ST6GAL1: variants seen among roughly 807,000 people sequenced by gnomAD.
The protein encoded by ST6GAL1 is ST6 beta-galactoside alpha-2,6-sialyltransferase 1, also known as beta-galactoside alpha-2,6-sialyltransferase 1.
Under a neutral mutation model 38.0 loss-of-function variants are expected in ST6GAL1, and 20 were observed. The ratio of observed to expected loss-of-function variants is 0.53; its 90% CI spans 0.37 to 0.77. The LOEUF (loss-of-function observed/expected upper bound fraction) is 0.77, where lower values mean the gene tolerates loss of function less well. Ranked by LOEUF, ST6GAL1 falls within the 30% of genes least tolerant of loss-of-function variation. ST6GAL1 has a pLI of 0.00. For missense variants in ST6GAL1, 432 were observed against 496.4 expected (o/e 0.87, Z 1.23); for synonymous variants, 196 against 188.2 (o/e 1.04, Z -0.34).
chr3:187,063,444 G>A (rs752875214), intron 5 of ST6GAL1, among the ~76,000 whole-genome samples: 3 of 152,194 alleles, frequency 2.0e-5, no homozygotes, highest in Non-Finnish European at 4.4e-5. Flanking sequence ...AGGTGAGTGG[G>A]ACCGTCAGTA....
chr3:187,030,043 C>T (rs1485515205), intron 2 of ST6GAL1, among the ~76,000 whole-genome samples: 4 of 152,064 alleles, frequency 2.6e-5, no homozygotes, highest in South Asian at 2.1e-4. Context: ...GAGTGAGTGG[C>T]CGTGGTCACA....
chr3:187,013,922 C>T (rs774614489), intron 2 of ST6GAL1, among the ~76,000 whole-genome samples: 1 of 152,190 alleles, frequency 6.6e-6, no homozygotes, highest in African/African-American at 2.4e-5. Context: ...ATCAAGGTCT[C>T]GTGTTTAGCC....
intron 2 of ST6GAL1, among the ~76,000 whole-genome samples, chr3:186,999,420 T>C (rs2108551637): frequency 1.3e-5 from 2 of 151,646 alleles, no homozygotes; most frequent in African/African-American, 4.8e-5. Context: ...TCTCTTTTTT[T>C]TTTTTTTTTG....
At chr3:187,055,390 G>GTGA (rs1718662651) in intron 5 of ST6GAL1, among the ~76,000 whole-genome samples, 1 of 152,064 alleles carries the variant, frequency 6.6e-6, no homozygotes, top group African/African-American at 2.4e-5. Flanking sequence ...TCTTTTAATT[G>GTGA]TGATGTTAGG....
At chr3:186,938,844 C>G (rs1363808773) in intron 1 of ST6GAL1, among the ~76,000 whole-genome samples, 9 of 152,174 alleles carry the variant, frequency 5.9e-5, no homozygotes, top group Admixed American at 5.9e-4. Flanking sequence ...AAGTACATCC[C>G]AGACATCTTA....
At chr3:187,047,329 T>A (rs1718335897) in intron 4 of ST6GAL1, among the ~76,000 whole-genome samples, 1 of 151,964 alleles carries the variant, frequency 6.6e-6, no homozygotes, top group Admixed American at 6.6e-5. Flanking sequence ...TTTCCATAAA[T>A]GGTTGTAGGA....
intron 4 of ST6GAL1, among the ~76,000 whole-genome samples, chr3:187,048,202 C>T (rs956296493): frequency 6.6e-6 from 1 of 152,208 alleles, no homozygotes; most frequent in African/African-American, 2.4e-5. Flanking sequence ...CTTGGCCTCC[C>T]AAAGTGCTGG....
At chr3:186,985,879 A>G (rs1399876687) in intron 2 of ST6GAL1, among the ~76,000 whole-genome samples, 1 of 152,178 alleles carries the variant, frequency 6.6e-6, no homozygotes, top group Non-Finnish European at 1.5e-5. Flanking sequence ...TTCCCCGTGT[A>G]TGTGGGCATT....
intron 5 of ST6GAL1, among the ~76,000 whole-genome samples, chr3:187,063,304 A>G (rs566399237): frequency 2.0e-5 from 3 of 152,328 alleles, no homozygotes; most frequent in African/African-American, 7.2e-5. Context: ...GGAGGCAGTC[A>G]GTATTAGAAG....
intron 2 of ST6GAL1, among the ~76,000 whole-genome samples, chr3:187,029,201 C>T (rs1016453771): frequency 9.2e-5 from 14 of 151,956 alleles, no homozygotes; most frequent in African/African-American, 2.2e-4. Flanking sequence ...GGTCAGGTCA[C>T]GGCTGCTTGA....
chr3:187,068,762 T>G (rs988983622), intron 5 of ST6GAL1, among the ~76,000 whole-genome samples: 1 of 152,230 alleles, frequency 6.6e-6, no homozygotes, highest in African/African-American at 2.4e-5. Flanking sequence ...TTATTGCTAT[T>G]CCTCATGAGT....
At chr3:187,035,222 A>T (rs901533212) in intron 2 of ST6GAL1, among the ~76,000 whole-genome samples, 24 of 152,238 alleles carry the variant, frequency 1.6e-4, no homozygotes, top group Non-Finnish European at 2.9e-4. Flanking sequence ...TCCAAGGAGA[A>T]CTACAAAACT....
chr3:186,984,316 A>C (rs951681968), intron 2 of ST6GAL1, among the ~76,000 whole-genome samples: 1 of 152,152 alleles, frequency 6.6e-6, no homozygotes, highest in African/African-American at 2.4e-5. Context: ...CCCACATGGC[A>C]GCCTGAGCAA....
At chr3:187,035,302 A>G (rs190474151) in intron 2 of ST6GAL1, among the ~76,000 whole-genome samples, 2 of 152,366 alleles carry the variant, frequency 1.3e-5, no homozygotes, top group South Asian at 2.1e-4. Context: ...TAAAAGAATC[A>G]ATATCATTAA....
intron 4 of ST6GAL1, among the ~76,000 whole-genome samples, chr3:187,047,529 A>G (rs112265968): frequency 6.2e-4 from 95 of 152,282 alleles, no homozygotes; most frequent in African/African-American, 2.2e-3. Context: ...ATCTGAATAC[A>G]GTGATGCATT....
intron 2 of ST6GAL1, among the ~76,000 whole-genome samples, chr3:186,973,261 C>G (rs1342479867): frequency 6.6e-6 from 1 of 152,156 alleles, no homozygotes; most frequent in Non-Finnish European, 1.5e-5. Context: ...GTCTTGAACT[C>G]CTGACCTCAC....
intron 1 of ST6GAL1, among the ~76,000 whole-genome samples, chr3:186,942,879 T>C (rs1412023940): frequency 6.6e-6 from 1 of 152,186 alleles, no homozygotes. Context: ...ATTTTTGTAT[T>C]TTTAGTAGAG....
chr3:187,011,701 C>A (rs903428810), intron 2 of ST6GAL1, among the ~76,000 whole-genome samples: 4 of 152,182 alleles, frequency 2.6e-5, no homozygotes, highest in African/African-American at 9.7e-5. Flanking sequence ...TTCCAGGCTC[C>A]TGTAACCATT....
chr3:187,057,014 T>G (rs1290714642), intron 5 of ST6GAL1, among the ~76,000 whole-genome samples: 1 of 152,222 alleles, frequency 6.6e-6, no homozygotes, highest in East Asian at 1.9e-4. Context: ...TTTACTCTTT[T>G]TTCTCTAAAC....
Sources: allele counts gnomAD v4.1 joint callset (sites outside exome capture counted in the v4.1 genomes callset), GRCh38; gene constraint gnomAD v4.1.1; transcripts MANE v1.5; gene names NCBI Gene and HGNC (gene_info 2026-07-23, HGNC 2026-07-21).